Variants in TSPAN2 observed in about 807,000 individuals in gnomAD.
TSPAN2 encodes tetraspanin 2.
Under a neutral mutation model 33.3 loss-of-function variants are expected in TSPAN2, and 24 were observed. The ratio of observed to expected loss-of-function variants is 0.72; its 90% CI spans 0.52 to 1.01. The LOEUF (loss-of-function observed/expected upper bound fraction) is 1.01, where lower values mean the gene tolerates loss of function less well. Ranked by LOEUF, TSPAN2 falls within the 50% of genes least tolerant of loss-of-function variation. TSPAN2 has a pLI of 0.00. For synonymous variants in TSPAN2, 114 were observed against 104.5 expected (o/e 1.09, Z -0.56); for missense variants, 278 against 281.3 (o/e 0.99, Z 0.08).
At chr1:115,069,715 A>G (rs1182452803) in intron 2 of TSPAN2, among the ~76,000 whole-genome samples, 4 of 152,244 alleles carry the variant, frequency 2.6e-5, no homozygotes, top group Non-Finnish European at 1.5e-5. Context: ...GTGATTTGCA[A>G]TACGAAGAGT....
intron 5 of TSPAN2, among the ~76,000 whole-genome samples, chr1:115,057,907 T>C (rs1647499859): frequency 6.6e-6 from 1 of 152,062 alleles, no homozygotes; most frequent in East Asian, 1.9e-4. Context: ...TAGAAAGGGG[T>C]TGGGGCTTTA....
At position 115,057,612 on chromosome 1, in the gene TSPAN2, G is replaced by A. The variant is rs1159606995; in HGVS notation, c.445-4C>T. The A allele has an allele frequency of 1.2e-6, 2 of 1,613,914 alleles. No individual in the cohort carries two copies. Among genetic ancestry groups the A allele is most frequent in the South Asian group, 2.2e-5 (2 of 91,076 alleles). On this transcript the variant is annotated splice_region_variant and splice_polypyrimidine_tract_variant and intron_variant, in intron 5 of 7. Transcript: ENST00000369516. ...TTTCTTTTCCACAGCACTGAAACTA[G>A]AGAGTCAGAAAAGAGACTTCAGGAC...
intron 1 of TSPAN2, among the ~76,000 whole-genome samples, 160 bp downstream of exon 1, chr1:115,089,204 C>T (rs1443135741): frequency 6.6e-6 from 1 of 152,224 alleles, no homozygotes; most frequent in Non-Finnish European, 1.5e-5. Flanking sequence ...TCCATCCCTC[C>T]CCTCCCTCTT....
chr1:115,069,418 C>G (rs370945790), intron 2 of TSPAN2, among the ~76,000 whole-genome samples: 1 of 152,300 alleles, frequency 6.6e-6, no homozygotes, highest in South Asian at 2.1e-4. Flanking sequence ...ATACTGCCAA[C>G]GAGAGTTAGG....
intron 4 of TSPAN2, 89 bp downstream of exon 4, chr1:115,060,375 G>A: frequency 9.6e-7 from 1 of 1,037,954 alleles, no homozygotes. Flanking sequence ...TAATAATGGG[G>A]ATTATTTGGT....
At chr1:115,066,459 T>G (rs1357796331) in intron 2 of TSPAN2, among the ~76,000 whole-genome samples, 1 of 152,232 alleles carries the variant, frequency 6.6e-6, no homozygotes, top group Non-Finnish European at 1.5e-5. Context: ...ATATGGAACA[T>G]GTTCCCAGGC....
chr1:115,057,855 G>A (rs188088277), intron 5 of TSPAN2, among the ~76,000 whole-genome samples: 19 of 152,328 alleles, frequency 1.2e-4, no homozygotes, highest in Non-Finnish European at 1.5e-5. Context: ...CCCAAACAAG[G>A]CAAGAAGCTA....
intron 1 of TSPAN2, 83 bp downstream of exon 1, chr1:115,089,281 G>T: frequency 7.9e-7 from 1 of 1,268,760 alleles, no homozygotes; most frequent in Non-Finnish European, 1.1e-6. Flanking sequence ...CTCGGACGCC[G>T]CAGTCAGCAG....
At chr1:115,076,934 T>G (rs2101043373) in intron 1 of TSPAN2, among the ~76,000 whole-genome samples, 1 of 151,902 alleles carries the variant, frequency 6.6e-6, no homozygotes, top group African/African-American at 2.4e-5. Context: ...TCCCTTTTTT[T>G]TTTTTTGACA....
intron 1 of TSPAN2, among the ~76,000 whole-genome samples, chr1:115,085,177 G>A (rs1247802064): frequency 6.6e-6 from 1 of 152,202 alleles, no homozygotes; most frequent in African/African-American, 2.4e-5. Flanking sequence ...CTATCTGATC[G>A]CAGGTCTGAA....
At chr1:115,081,959 A>G (rs1648640984) in intron 1 of TSPAN2, among the ~76,000 whole-genome samples, 1 of 152,204 alleles carries the variant, frequency 6.6e-6, no homozygotes, top group South Asian at 2.1e-4. Flanking sequence ...CTTTTGTGGA[A>G]ACTATGTCTC....
At chr1:115,056,532 A>G (rs979142426) in intron 6 of TSPAN2, among the ~76,000 whole-genome samples, 7 of 152,180 alleles carry the variant, frequency 4.6e-5, no homozygotes, top group African/African-American at 1.7e-4. Flanking sequence ...CTCGGCACGC[A>G]GGCCTCCCCC....
chr1:115,061,506 G>C (rs1647718276), intron 3 of TSPAN2, among the ~76,000 whole-genome samples: 1 of 152,156 alleles, frequency 6.6e-6, no homozygotes, highest in Non-Finnish European at 1.5e-5. Context: ...CCTGGCTATA[G>C]AAACCTTTTA....
At chr1:115,080,813 C>T (rs1000107197) in intron 1 of TSPAN2, among the ~76,000 whole-genome samples, 3 of 152,218 alleles carry the variant, frequency 2.0e-5, no homozygotes, top group African/African-American at 7.2e-5. Flanking sequence ...CTCCTTGGAA[C>T]ATCCAGCTGG....
intron 1 of TSPAN2, 110 bp from the exon 2 acceptor site, chr1:115,073,117 C>A: frequency 1.2e-6 from 1 of 844,380 alleles, no homozygotes. Flanking sequence ...TTGGAAATCA[C>A]TTAGACCACC....
chr1:115,073,847 TGA>T (rs1480460272), intron 1 of TSPAN2, among the ~76,000 whole-genome samples: 1 of 152,054 alleles, frequency 6.6e-6, no homozygotes. Flanking sequence ...AAGGCTTTTG[TGA>T]GGCTCAGCTT....
chr1:115,071,887 G>T (rs1401852992), intron 2 of TSPAN2, among the ~76,000 whole-genome samples: 2 of 151,616 alleles, frequency 1.3e-5, no homozygotes, highest in Non-Finnish European at 2.9e-5. Context: ...CTCTGAGTGG[G>T]GCCTGCGCTC....
chr1:115,089,273 C>T, intron 1 of TSPAN2, 91 bp downstream of exon 1: 1 of 1,206,450 alleles, frequency 8.3e-7, no homozygotes, highest in Non-Finnish European at 1.1e-6. Context: ...GAGCGCGACT[C>T]GGACGCCGCA....
rs751024857 is a variant in TSPAN2 at position 115,053,478 on chromosome 1, A to G, written c.517-16T>C. The G allele has an allele frequency of 6.2e-7, 1 of 1,611,484 alleles. No individual in the cohort carries two copies. Among genetic ancestry groups the G allele is most frequent in the East Asian group, 2.2e-5 (1 of 44,796 alleles). ...CGATGCAATTCTGTTTTGAGGAAAA[A>G]AAGTCGGGAATAAAAACTGATTGTA... On this transcript the variant is annotated splice_polypyrimidine_tract_variant and intron_variant, in intron 6 of 7. Coordinates refer to ENST00000369516, the MANE Select transcript of TSPAN2 (RefSeq NM_005725.6).
Sources: allele counts gnomAD v4.1 joint callset (sites outside exome capture counted in the v4.1 genomes callset), GRCh38; gene constraint gnomAD v4.1.1; transcripts MANE v1.5; gene names NCBI Gene and HGNC (gene_info 2026-07-23, HGNC 2026-07-21).